The following PHF8 variants were observed in gnomAD, a reference collection of about 807,000 sequenced individuals.
PHF8 encodes PHD finger protein 8.
PHF8 carries 9 observed loss-of-function variants against 74.4 expected under a neutral mutation model. The ratio of observed to expected loss-of-function variants is 0.12; its 90% CI spans 0.07 to 0.21. PHF8 has a LOEUF of 0.21. Among genes scored for constraint, PHF8 ranks in the 10% least tolerant of loss-of-function variants. The pLI is 1.00. For missense variants in PHF8, 478 were observed against 816.6 expected (o/e 0.59, Z 5.05); for synonymous variants, 311 against 316.6 (o/e 0.98, Z 0.19).
chrX:54,045,474 CTG>C (rs782214489), upstream of PHF8, among the ~76,000 whole-genome samples: 10 of 112,435 alleles, frequency 8.9e-5, no homozygotes, highest in Non-Finnish European at 1.7e-4. Context: ...AACAGGGCCT[CTG>C]GAGTGGGAGG....
At chrX:54,034,422 A>T (rs2066414279) in intron 2 of PHF8, among the ~76,000 whole-genome samples, 1 of 111,661 alleles carries the variant, frequency 9.0e-6, no homozygotes, top group Non-Finnish European at 1.9e-5. Context: ...AGAACTAGAA[A>T]CCCAGAGTTC....
At chrX:53,962,614 T>C (rs2065122160) in intron 19 of PHF8, among the ~76,000 whole-genome samples, 1 of 111,441 alleles carries the variant, frequency 9.0e-6, no homozygotes, top group Non-Finnish European at 1.9e-5. Flanking sequence ...TGCAATATGC[T>C]CCATTACCTC....
intron 18 of PHF8, among the ~76,000 whole-genome samples, chrX:53,969,077 A>C (rs1248338968): frequency 9.0e-6 from 1 of 110,814 alleles, no homozygotes; most frequent in Admixed American, 9.7e-5. Context: ...TCTACTAAAA[A>C]TGCAAAAATT....
Position 53,992,786 on chromosome X carries a change from C to G in PHF8, c.1680G>C (p.Leu560Phe). The change falls in exon 14 of 22, where the codon TTG (leucine) becomes TTC (phenylalanine). Residue 560 changes from leucine (L) to phenylalanine (F), a missense_variant. By Grantham distance (22) the Leu-to-Phe change is conservative (BLOSUM62 0). Coordinates refer to ENST00000338154, the MANE Select transcript of PHF8 (RefSeq NM_015107.3). ...LNDSDDDSPD[L>F]DLDGNESPLA... ...ATGGGCTCTCATTTCCATCAAGGTC[C>G]AAGTCTGGTGAGTCGTCATCTGAGT... 8.3e-7 allele frequency: 1 copy of G among 1,205,761 alleles called. No homozygotes were observed. Among genetic ancestry groups the G allele is most frequent in the Non-Finnish European group, 1.1e-6 (1 of 890,825 alleles).
At chrX:53,962,032 T>G (rs1330869977) in intron 19 of PHF8, among the ~76,000 whole-genome samples, 1 of 112,117 alleles carries the variant, frequency 8.9e-6, no homozygotes, top group Non-Finnish European at 1.9e-5. Context: ...TGTCCTCTCT[T>G]GCTGCTAGAA....
chrX:54,039,151 A>G (rs920216536), intron 2 of PHF8, among the ~76,000 whole-genome samples: 165 of 109,835 alleles, frequency 1.5e-3, no homozygotes, highest in Non-Finnish European at 2.7e-3. Context: ...AAAAAAAAAA[A>G]AAGAAGTCAC....
chrX:53,965,991 G>A (rs782574018), intron 18 of PHF8, among the ~76,000 whole-genome samples: 2 of 110,968 alleles, frequency 1.8e-5, no homozygotes, highest in Admixed American at 1.9e-4. Context: ...AATCAACTAG[G>A]CTGAAAGAGC....
At chrX:53,995,634 G>A in intron 12 of PHF8, 59 bp downstream of exon 12, 1 of 748,184 alleles carries the variant, frequency 1.3e-6, no homozygotes, top group Non-Finnish European at 2.1e-6. Context: ...GGCCTAACCT[G>A]CCACTTGAGC....
intron 18 of PHF8, among the ~76,000 whole-genome samples, chrX:53,964,984 T>G (rs113571962): frequency 9.0e-6 from 1 of 110,612 alleles, no homozygotes; most frequent in African/African-American, 3.3e-5. Flanking sequence ...GAAAAAGTTA[T>G]AGAGATCTGT....
chrX:53,952,700 G>A (rs143325110), intron 19 of PHF8, among the ~76,000 whole-genome samples: 73 of 107,932 alleles, frequency 6.8e-4, no homozygotes, highest in African/African-American at 2.4e-3. Flanking sequence ...TGGCTAACAC[G>A]GTGAAACCTC....
chrX:53,952,999 G>C (rs1267043055), intron 19 of PHF8, among the ~76,000 whole-genome samples: 1 of 110,360 alleles, frequency 9.1e-6, no homozygotes, highest in Non-Finnish European at 1.9e-5. Context: ...ACTTGGCCAG[G>C]TGCGGTGGCT....
intron 19 of PHF8, among the ~76,000 whole-genome samples, chrX:53,961,013 A>G (rs2065095732): frequency 9.1e-6 from 1 of 109,895 alleles, no homozygotes; most frequent in Admixed American, 9.8e-5. Context: ...AAATTTAAAA[A>G]TAGGCCTAAG....
intron 8 of PHF8, among the ~76,000 whole-genome samples, chrX:54,006,220 G>A (rs1363277313): frequency 5.4e-5 from 6 of 111,919 alleles, no homozygotes; most frequent in African/African-American, 2.0e-4. Flanking sequence ...GGTGACTCAC[G>A]CCTATAATCC....
At chrX:53,940,887 T>C (rs1396186055) in intron 20 of PHF8, among the ~76,000 whole-genome samples, 1 of 112,414 alleles carries the variant, frequency 8.9e-6, no homozygotes, top group African/African-American at 3.2e-5. Context: ...CTTTATCTCA[T>C]TTAATCCTCA....
Position 54,043,791 on chromosome X carries a change from G to A in PHF8, c.-122C>T, listed in dbSNP as rs1000239777. The stretch of plus-strand genomic sequence containing the variant: ...ATCTTAACGCTTCCCCAACTGACAG[G>A]AACCTCCTCACGCCCCAAACCTGAC... On this transcript the variant is annotated 5_prime_UTR_variant, in exon 1 of 22. Transcript: ENST00000338154. 7 of 748,653 alleles carry A rather than the reference G, an allele frequency of 9.4e-6. No individual in the cohort carries two copies. The highest frequency in any genetic ancestry group is 9.4e-6 in the Non-Finnish European group (6 of 635,463). 61.7% of individuals were successfully genotyped at this position (748,653 alleles called of 1,213,427 possible).
At chrX:54,047,697 T>C (rs1462842104), upstream of PHF8, among the ~76,000 whole-genome samples, 1 of 111,376 alleles carries the variant, frequency 9.0e-6, no homozygotes, top group Non-Finnish European at 1.9e-5. Flanking sequence ...GGGAGACGGA[T>C]AAAAAGTGAG....
At chrX:53,958,531 C>T (rs2065049758) in intron 19 of PHF8, among the ~76,000 whole-genome samples, 1 of 104,995 alleles carries the variant, frequency 9.5e-6, no homozygotes, top group Admixed American at 1.0e-4. Context: ...CCTGTAATCC[C>T]AGCACTTTGG....
rs2066029413 is a variant in PHF8 at position 54,014,395 on chromosome X, G to A, written c.765C>T (p.Val255=). Residue 255 remains valine (V), a synonymous_variant, in exon 7 of 22, where the codon GTC becomes GTT. Coordinates refer to ENST00000338154, the MANE Select transcript of PHF8 (RefSeq NM_015107.3). ...TTCCTACCTTGAGTACATGGTACCA[G>A]ACAGAGGTGCCACCAAAGTCAATGT... ...DFHIDFGGTS[V]WYHVLKGEKI... 7 of 1,208,371 alleles carry A rather than the reference G, an allele frequency of 5.8e-6. No homozygotes were observed. The highest frequency in any genetic ancestry group is 6.7e-6 in the Non-Finnish European group (6 of 892,368).
At chrX:53,984,589 C>A (rs1339315260) in intron 18 of PHF8, among the ~76,000 whole-genome samples, 1 of 110,796 alleles carries the variant, frequency 9.0e-6, no homozygotes, top group African/African-American at 3.3e-5. Flanking sequence ...GTCAAACAGG[C>A]AAGAGAAAAA....
Sources: allele counts gnomAD v4.1 joint callset (sites outside exome capture counted in the v4.1 genomes callset), GRCh38; gene constraint gnomAD v4.1.1; transcripts MANE v1.5; gene names NCBI Gene and HGNC (gene_info 2026-07-23, HGNC 2026-07-21).